Variants in ABCB5 observed in about 807,000 individuals in gnomAD.
ABCB5 encodes the protein ATP binding cassette subfamily B member 5.
Under a neutral mutation model 144.2 loss-of-function variants are expected in ABCB5, and 155 were observed. The ratio of observed to expected loss-of-function variants is 1.08; its 90% confidence interval spans 0.94 to 1.23. The LOEUF is 1.23. Ranked by LOEUF, ABCB5 falls within the 50% of genes most tolerant of loss-of-function variation. The pLI, the probability that ABCB5 is intolerant of heterozygous loss-of-function variation, is 0.00. For missense variants in ABCB5, 1,830 were observed against 1,520.8 expected (o/e 1.20, Z -3.38); for synonymous variants, 610 against 528.6 (o/e 1.15, Z -2.11).
At chr7:20,682,353 T>C (rs575920579) in intron 15 of ABCB5, among the ~76,000 whole-genome samples, 5 of 152,220 alleles carry the variant, frequency 3.3e-5, no homozygotes, top group African/African-American at 9.6e-5. Flanking sequence ...CATATAGATA[T>C]TATTAGTTGT....
At chr7:20,714,186 C>T (rs1373642180) in intron 20 of ABCB5, among the ~76,000 whole-genome samples, 1 of 152,100 alleles carries the variant, frequency 6.6e-6, no homozygotes, top group African/African-American at 2.4e-5. Context: ...GAAATCCTAC[C>T]ATATGGCATT....
intron 14 of ABCB5, among the ~76,000 whole-genome samples, chr7:20,676,094 T>C (rs982712558): frequency 2.0e-5 from 3 of 151,888 alleles, no homozygotes; most frequent in Non-Finnish European, 2.9e-5. Flanking sequence ...GCAGTCTCTA[T>C]GGAAAACAGT....
Position 20,712,759 on chromosome 7 carries a change from A to G in ABCB5, c.2421+7952A>G, listed in dbSNP as rs183569097. Among the ~76,000 whole-genome samples the G allele has an allele frequency of 1.4e-4, 21 of 149,346 alleles. 2 individuals are homozygous for G. The highest frequency in any genetic ancestry group is 5.2e-4 in the African/African-American group (21 of 40,498). ...AACTATTCTAATATGTAGTATATAC[A>G]TTGGTAGTAGCTTTTTAAATTGATA... On this transcript the variant is annotated intron_variant, in intron 20 of 27. Transcript: ENST00000404938.
chr7:20,632,935 G>A (rs1004061960), intron 5 of ABCB5, among the ~76,000 whole-genome samples: 5 of 151,162 alleles, frequency 3.3e-5, no homozygotes, highest in African/African-American at 9.7e-5. Context: ...TGGGTGCAGC[G>A]CACCAGCATG....
rs749932049 is a variant in ABCB5 at position 20,698,427 on chromosome 7, T to C, written c.2031T>C (p.Ser677=). The change falls in exon 17 of 28, where the codon TCT becomes TCC. Residue 677 remains serine (S), a synonymous_variant. Transcript: ENST00000404938. ...QSKEISLPEV[S]LLKILKLNKP... ...TTTAGATAAGTCTTCCTGAAGTCTCTCTATTAAAAATTTTAAAGTTAAACA... is the reference window on the plus strand; with the variant it reads ...TTTAGATAAGTCTTCCTGAAGTCTCCCTATTAAAAATTTTAAAGTTAAACA... The C allele has an allele frequency of 6.3e-7, 1 of 1,579,946 alleles. No individual in the cohort carries two copies. The highest frequency in any genetic ancestry group is 1.4e-5 in the African/African-American group (1 of 72,732).
At chr7:20,641,884 T>C (rs1784303612) in intron 5 of ABCB5, 1 of 152,738 alleles carries the variant, frequency 6.5e-6, no homozygotes, top group African/African-American at 2.4e-5. Flanking sequence ...TTCCCCGTCA[T>C]GTGTCTAGCA....
intron 11 of ABCB5, among the ~76,000 whole-genome samples, chr7:20,648,996 G>A (rs1583392612): frequency 6.6e-6 from 1 of 152,262 alleles, no homozygotes; most frequent in Middle Eastern, 3.4e-3. Flanking sequence ...AGCACCAATT[G>A]TGCCATTATA....
chr7:20,650,780 C>A (rs976750787), intron 12 of ABCB5, among the ~76,000 whole-genome samples: 1 of 152,106 alleles, frequency 6.6e-6, no homozygotes, highest in Non-Finnish European at 1.5e-5. Flanking sequence ...GTATCCTAGA[C>A]CCATGTGACT....
intron 14 of ABCB5, among the ~76,000 whole-genome samples, chr7:20,672,475 C>G (rs950384262): frequency 2.0e-4 from 30 of 151,986 alleles, no homozygotes; most frequent in African/African-American, 7.2e-4. Flanking sequence ...ACCCAGGTGA[C>G]AGGTTGATAG....
intron 5 of ABCB5, among the ~76,000 whole-genome samples, chr7:20,637,088 T>C (rs1784175018): frequency 1.3e-5 from 2 of 152,164 alleles, no homozygotes; most frequent in Non-Finnish European, 2.9e-5. Flanking sequence ...TCTGCTAAAA[T>C]TGATTAGCAT....
intron 20 of ABCB5, among the ~76,000 whole-genome samples, chr7:20,717,787 C>G (rs1781724541): frequency 6.7e-6 from 1 of 149,854 alleles, no homozygotes; most frequent in African/African-American, 2.5e-5. Flanking sequence ...TAGAGCCTAC[C>G]TTAAAAACTT....
chr7:20,634,152 A>G (rs1262098309), intron 5 of ABCB5, among the ~76,000 whole-genome samples: 1 of 148,962 alleles, frequency 6.7e-6, no homozygotes, highest in East Asian at 2.0e-4. Context: ...TTCATTTAAG[A>G]TAATGGCCTC....
chr7:20,704,968 TGAAAG>T (rs1786772628), intron 20 of ABCB5, among the ~76,000 whole-genome samples, 161 bp downstream of exon 20: 1 of 152,170 alleles, frequency 6.6e-6, no homozygotes, highest in Admixed American at 6.5e-5. Context: ...CAGTGAAAGA[TGAAAG>T]GAAGACTTTC....
chr7:20,659,108 G>A (rs779350109), intron 14 of ABCB5: 19 of 1,613,984 alleles, frequency 1.2e-5, no homozygotes, highest in East Asian at 2.2e-5. Flanking sequence ...CACCTCAAGT[G>A]GAGAATCGCT....
At chr7:20,725,813 CTAT>C (rs1368026363) in intron 21 of ABCB5, among the ~76,000 whole-genome samples, 1 of 152,030 alleles carries the variant, frequency 6.6e-6, no homozygotes, top group Non-Finnish European at 1.5e-5. Context: ...TCTTCATATA[CTAT>C]GGAATGTTAC....
rs1192666992 is a variant in ABCB5, at chr7:20,651,423, A to G, written c.1336A>G (p.Met446Val). 2 of 1,614,048 alleles carry G rather than the reference A, an allele frequency of 1.2e-6. No homozygotes were observed. Among genetic ancestry groups the G allele is most frequent in the Admixed American group, 3.3e-5 (2 of 59,974 alleles). The part of the protein sequence containing the change: ...RLYDPDDGFI[M>V]VDENDIRALN... Reference sequence around the variant, plus strand: ...GGTTCATTCTTTGGATTGGCAGATCATGGTGGATGAGAATGACATCAGAGC... The same window carrying G: ...GGTTCATTCTTTGGATTGGCAGATCGTGGTGGATGAGAATGACATCAGAGC... The change falls in exon 13 of 28, where the codon ATG becomes GTG. Residue 446 changes from methionine (M) to valine (V), a missense_variant. Met to Val is a conservative substitution (Grantham distance 21). Coordinates refer to ENST00000404938, the MANE Select transcript of ABCB5 (RefSeq NM_001163941.2).
chr7:20,652,725 TA>T (rs1297736396), intron 13 of ABCB5, among the ~76,000 whole-genome samples: 1 of 152,236 alleles, frequency 6.6e-6, no homozygotes, highest in Non-Finnish European at 1.5e-5. Flanking sequence ...AGCCTTTTTT[TA>T]AAAATATTTC....
intron 23 of ABCB5, among the ~76,000 whole-genome samples, chr7:20,736,312 G>A (rs1782377864): frequency 6.6e-6 from 1 of 152,072 alleles, no homozygotes. Context: ...CCACCTCCCG[G>A]GTTCAAGCAA....
At chr7:20,668,534 C>G (rs1390313382) in intron 14 of ABCB5, among the ~76,000 whole-genome samples, 1 of 151,998 alleles carries the variant, frequency 6.6e-6, no homozygotes, top group Admixed American at 6.5e-5. Flanking sequence ...GGCAGCCACC[C>G]CGTCTGGGAA....
Sources: allele counts gnomAD v4.1 joint callset (sites outside exome capture counted in the v4.1 genomes callset), GRCh38; gene constraint gnomAD v4.1.1; transcripts MANE v1.5; gene names NCBI Gene and HGNC (gene_info 2026-07-23, HGNC 2026-07-21).